NCKAP5: variants seen among roughly 807,000 people sequenced by gnomAD.
NCKAP5 encodes NCK associated protein 5, also known as nck-associated protein 5.
In NCKAP5, 92 loss-of-function variants were observed where a neutral mutation model predicts 167.0. That is an observed-to-expected ratio of 0.55 (90% CI 0.47 to 0.66). The LOEUF is 0.66. NCKAP5 is among the 30% of genes least tolerant of loss of function. NCKAP5 has a pLI of 0.00. For missense variants in NCKAP5, 2,378 were observed against 2,315.0 expected, an observed-to-expected ratio of 1.03 and a Z score of -0.56; for synonymous variants, 891 against 877.4, an observed-to-expected ratio of 1.02 and a Z score of -0.27.
At chr2:132,709,226 T>G (rs1244163452) in intron 19 of NCKAP5, among the ~76,000 whole-genome samples, 1 of 150,672 alleles carries the variant, frequency 6.6e-6, no homozygotes, top group Non-Finnish European at 1.5e-5. Flanking sequence ...GCCCCAAAAA[T>G]AAATAAAAAA....
intron 4 of NCKAP5, among the ~76,000 whole-genome samples, chr2:133,278,768 C>A (rs1414591717): frequency 2.7e-4 from 39 of 143,438 alleles, no homozygotes; most frequent in African/African-American, 9.7e-4. Context: ...AGGCTAATAT[C>A]CATCCCTAAA....
At chr2:133,543,178 T>A (rs542942383) in intron 2 of NCKAP5, among the ~76,000 whole-genome samples, 1 of 152,232 alleles carries the variant, frequency 6.6e-6, no homozygotes, top group East Asian at 1.9e-4. Context: ...TAACATGAGA[T>A]CTGGTTGTTT....
At chr2:133,183,148 G>A (rs1477274741) in intron 5 of NCKAP5, among the ~76,000 whole-genome samples, 1 of 151,912 alleles carries the variant, frequency 6.6e-6, no homozygotes, top group Non-Finnish European at 1.5e-5. Flanking sequence ...GAAATCTCCA[G>A]GCACAGATGG....
At chr2:133,045,944 G>T (rs2079384570) in intron 6 of NCKAP5, among the ~76,000 whole-genome samples, 1 of 152,182 alleles carries the variant, frequency 6.6e-6, no homozygotes, top group African/African-American at 2.4e-5. Flanking sequence ...CATGACAGTT[G>T]ATTTGATAAG....
At chr2:132,883,396 T>G (rs952335918) in intron 8 of NCKAP5, among the ~76,000 whole-genome samples, 5 of 152,144 alleles carry the variant, frequency 3.3e-5, no homozygotes, top group Non-Finnish European at 7.4e-5. Flanking sequence ...GCCCCCACCC[T>G]TGGTTTGGTC....
At chr2:132,963,920 C>T (rs1477690988) in intron 7 of NCKAP5, 51 bp from the exon 8 acceptor site, 2 of 1,600,520 alleles carry the variant, frequency 1.2e-6, no homozygotes, top group Non-Finnish European at 1.7e-6. Context: ...GAAAAATAAG[C>T]ATGAGTGTGA....
intron 2 of NCKAP5, among the ~76,000 whole-genome samples, chr2:133,544,097 T>C (rs920932957): frequency 2.0e-5 from 3 of 152,250 alleles, no homozygotes; most frequent in Non-Finnish European, 4.4e-5. Context: ...ACAGCGTTGA[T>C]TTGTATCTTG....
chr2:132,997,588 G>GA (rs1421144161), intron 6 of NCKAP5, among the ~76,000 whole-genome samples: 1 of 152,098 alleles, frequency 6.6e-6, no homozygotes, highest in Admixed American at 6.5e-5. Flanking sequence ...TGGTTAGTTG[G>GA]ATAGGGAGTT....
intron 5 of NCKAP5, among the ~76,000 whole-genome samples, chr2:133,173,279 G>C (rs1306476806): frequency 1.3e-5 from 2 of 152,094 alleles, no homozygotes; most frequent in Admixed American, 6.6e-5. Context: ...TTCAACTCTG[G>C]GGGGAGCTGG....
At chr2:132,781,024 C>T (rs1031096648) in intron 15 of NCKAP5, 28 bp downstream of exon 15, 2 of 1,607,292 alleles carry the variant, frequency 1.2e-6, no homozygotes, top group Non-Finnish European at 1.7e-6. Context: ...GATTGTAGCA[C>T]TTGATACCAG....
intron 19 of NCKAP5, among the ~76,000 whole-genome samples, chr2:132,693,514 G>A (rs1686998471): frequency 6.6e-6 from 1 of 152,004 alleles, no homozygotes; most frequent in South Asian, 2.1e-4. Flanking sequence ...AGGGATTGCT[G>A]GCAATGACAG....
At chr2:133,517,618 C>T (rs1684114428) in intron 2 of NCKAP5, 31 bp from the exon 3 acceptor site, 1 of 779,374 alleles carries the variant, frequency 1.3e-6, no homozygotes, top group South Asian at 2.5e-5. Context: ...TTTTACTATC[C>T]AAGTACACAG....
At chr2:133,503,157 C>A (rs1471244604) in intron 3 of NCKAP5, among the ~76,000 whole-genome samples, 2 of 152,174 alleles carry the variant, frequency 1.3e-5, no homozygotes, top group African/African-American at 4.8e-5. Context: ...CCAGCAACAA[C>A]CCTTGGTTTT....
intron 16 of NCKAP5, among the ~76,000 whole-genome samples, chr2:132,744,635 T>TAA (rs74799315): frequency 2.1e-5 from 3 of 145,262 alleles, no homozygotes; most frequent in Admixed American, 6.8e-5. Context: ...TTAAGAAAAT[T>TAA]AAAAAAAAAA....
chr2:132,741,429 AC>A (rs1679185155), intron 16 of NCKAP5, among the ~76,000 whole-genome samples: 1 of 152,060 alleles, frequency 6.6e-6, no homozygotes, highest in South Asian at 2.1e-4. Flanking sequence ...TAATGTGACC[AC>A]TACAGTTTAA....
the NCKAP5 span, among the ~76,000 whole-genome samples, chr2:133,620,360 T>C: frequency 6.6e-6 from 1 of 152,062 alleles, no homozygotes; most frequent in East Asian, 1.9e-4. Flanking sequence ...ACCAAGTTTC[T>C]GCTGTCTTCA....
chr2:133,018,931 T>G (rs2078435815), intron 6 of NCKAP5, among the ~76,000 whole-genome samples: 1 of 152,230 alleles, frequency 6.6e-6, no homozygotes, highest in South Asian at 2.1e-4. Flanking sequence ...CTTGTTGCTA[T>G]TTAAAAGTCA....
chr2:133,661,841 G>A, the NCKAP5 span, among the ~76,000 whole-genome samples: 1 of 152,238 alleles, frequency 6.6e-6, no homozygotes, highest in East Asian at 1.9e-4. Flanking sequence ...AACGGATCAG[G>A]ATTCAATCCT....
intron 4 of NCKAP5, among the ~76,000 whole-genome samples, chr2:133,260,733 T>TA (rs1043860380): frequency 2.6e-5 from 4 of 152,198 alleles, no homozygotes; most frequent in African/African-American, 9.7e-5. Flanking sequence ...GTTTATGTTT[T>TA]AAAAAAGTGA....
Sources: allele counts gnomAD v4.1 joint callset (sites outside exome capture counted in the v4.1 genomes callset), GRCh38; gene constraint gnomAD v4.1.1; transcripts MANE v1.5; gene names NCBI Gene and HGNC (gene_info 2026-07-23, HGNC 2026-07-21).